NUP214: variants seen among roughly 807,000 people sequenced by gnomAD.
The protein encoded by NUP214 is nucleoporin 214, also known as nuclear pore complex protein Nup214.
Under a neutral mutation model 196.2 loss-of-function variants are expected in NUP214, and 79 were observed. The observed-to-expected ratio is 0.40, with a 90% confidence interval of 0.34 to 0.49. The LOEUF is 0.49. Ranked by LOEUF, NUP214 falls within the 20% of genes least tolerant of loss-of-function variation. The pLI, the probability that NUP214 is intolerant of heterozygous loss-of-function variation, is 0.58. For missense variants in NUP214, 2,468 were observed against 2,539.0 expected (o/e 0.97, Z 0.60); for synonymous variants, 1,020 against 990.5 (o/e 1.03, Z -0.56).
chr9:131,182,116 G>A (rs1022266692), intron 24 of NUP214, among the ~76,000 whole-genome samples: 1 of 152,156 alleles, frequency 6.6e-6, no homozygotes, highest in Admixed American at 6.5e-5. Context: ...TGGGTTTCTT[G>A]TAGCACAGCA....
chr9:131,234,039 C>G lies in NUP214; in HGVS notation c.*552C>G. The G allele has an allele frequency of 3.9e-6, 1 of 254,172 alleles. No individual in the cohort carries two copies. The highest frequency in any genetic ancestry group is 7.7e-6 in the Non-Finnish European group (1 of 130,618). The allele number at this position is 254,172 out of a possible 1,614,324, so 15.7% of individuals were successfully genotyped here. A position where few individuals can be genotyped will look rare whatever the true frequency, so the allele number is the denominator to read the frequency against. ...GTGGAGGCAGAGGAAGCCACTCATG[C>G]CAGCAGCAGTTGAGTTTCAGAAGCA... On this transcript the variant is annotated 3_prime_UTR_variant, in exon 36 of 36. Coordinates refer to ENST00000359428, the MANE Select transcript of NUP214 (RefSeq NM_005085.4).
At chr9:131,164,022 T>G in intron 20 of NUP214, 39 bp from the exon 21 acceptor site, 1 of 1,613,378 alleles carries the variant, frequency 6.2e-7, no homozygotes, top group Non-Finnish European at 8.5e-7. Context: ...TCTTAAAAAC[T>G]GAGTCTTAAT....
At chr9:131,181,831 A>G (rs922408616) in intron 24 of NUP214, among the ~76,000 whole-genome samples, 4 of 152,098 alleles carry the variant, frequency 2.6e-5, no homozygotes, top group South Asian at 2.1e-4. Flanking sequence ...CAGTTTATCT[A>G]TTTTTTCTTT....
chr9:131,222,642 G>A (rs139823422), intron 31 of NUP214, 136 bp from the exon 32 acceptor site: 158 of 980,748 alleles, frequency 1.6e-4, no homozygotes, highest in Middle Eastern at 3.0e-4. Flanking sequence ...TGTCACTGTC[G>A]CTCCGCTCCC....
At chr9:131,144,852 T>C (rs1473569431) in intron 12 of NUP214, 98 bp downstream of exon 12, 1 of 961,568 alleles carries the variant, frequency 1.0e-6, no homozygotes, top group Non-Finnish European at 1.5e-6. Context: ...GTTAACTGAG[T>C]AGAATTTTTT....
chr9:131,144,135 T>C (rs1832011106), intron 11 of NUP214, 145 bp from the exon 12 acceptor site: 1 of 667,784 alleles, frequency 1.5e-6, no homozygotes. Flanking sequence ...CAACATGAAC[T>C]GTGTACCCAT....
chr9:131,176,863 C>A (rs886250121), intron 23 of NUP214, among the ~76,000 whole-genome samples: 1 of 152,080 alleles, frequency 6.6e-6, no homozygotes, highest in African/African-American at 2.4e-5. Context: ...GAGGCTGCCC[C>A]CACTTCCCTG....
At chr9:131,203,838 A>G (rs1487700459) in intron 30 of NUP214, among the ~76,000 whole-genome samples, 2 of 152,360 alleles carry the variant, frequency 1.3e-5, no homozygotes, top group Admixed American at 1.3e-4. Flanking sequence ...CCCTGACAGC[A>G]TTTACTAATC....
chr9:131,143,867 A>G (rs1054954179), intron 11 of NUP214, among the ~76,000 whole-genome samples: 2 of 152,022 alleles, frequency 1.3e-5, no homozygotes, highest in Non-Finnish European at 2.9e-5. Flanking sequence ...GAGACCTAAC[A>G]TATCTATCAA....
At chr9:131,224,227 A>G (rs1834663883) in intron 32 of NUP214, among the ~76,000 whole-genome samples, 1 of 152,222 alleles carries the variant, frequency 6.6e-6, no homozygotes, top group Non-Finnish European at 1.5e-5. Flanking sequence ...ATAATCATGT[A>G]TGATGTATTT....
In NUP214 at chr9:131,127,659, A is replaced by AT. The variant is rs1831404525; in HGVS notation, c.186dup (p.Pro63SerfsTer3). 1 of 1,614,002 alleles carries AT rather than the reference A, an allele frequency of 6.2e-7. No individual in the cohort carries two copies. Among genetic ancestry groups the AT allele is most frequent in the Non-Finnish European group, 8.5e-7 (1 of 1,179,982 alleles). ...CGCTGGTGGAGCCAGTGGCTTGCAG[A>AT]TTTTTCCTACTAAAAATCTTCTTAT... is the stretch of plus-strand genomic sequence containing the variant. On this transcript the variant is annotated frameshift_variant, in exon 2 of 36. Coordinates refer to ENST00000359428, the MANE Select transcript of NUP214 (RefSeq NM_005085.4). LOFTEE classifies it high-confidence loss of function.
intron 24 of NUP214, among the ~76,000 whole-genome samples, chr9:131,178,712 T>TG (rs1177214420): frequency 6.6e-6 from 1 of 151,560 alleles, no homozygotes; most frequent in Non-Finnish European, 1.5e-5. Context: ...GATTTTTTTT[T>TG]TTTTTTTAAT....
At chr9:131,150,790 T>C (rs1832234305) in intron 16 of NUP214, 25 bp downstream of exon 16, 1 of 1,588,576 alleles carries the variant, frequency 6.3e-7, no homozygotes, top group Non-Finnish European at 8.5e-7. Flanking sequence ...ATACTTTTCC[T>C]GAGTTGAATT....
At position 131,144,285 on chromosome 9, in the gene NUP214, A is replaced by G; in HGVS notation, c.1300A>G (p.Thr434Ala). The G allele has an allele frequency of 1.9e-6, 3 of 1,612,086 alleles. No homozygotes were observed. Among genetic ancestry groups the G allele is most frequent in the Non-Finnish European group, 2.5e-6 (3 of 1,178,938 alleles). ...GERQPKSPGS[T>A]PTTPTSSQAP... is the part of the protein sequence containing the mutation. Reference sequence around the variant, plus strand: ...TCCTTTTTTTGTCACTGCAGGAAGTACTCCCACTACCCCAACCTCCTCTCA... The same window carrying G: ...TCCTTTTTTTGTCACTGCAGGAAGTGCTCCCACTACCCCAACCTCCTCTCA... The change falls in exon 12 of 36, where the codon ACT becomes GCT. Residue 434 changes from threonine (T) to alanine (A), a missense_variant. Physicochemically the swap from Thr to Ala is moderately conservative, Grantham distance 58. Transcript: ENST00000359428.
rs765420579 is a variant in NUP214 at position 131,195,373 on chromosome 9, A to G, written c.3721+79A>G. ...AGGTTATTTTTGCCCACATGTTAGT[A>G]TTTGACTTGTTCCTGAATCTTACTT... On this transcript the variant is annotated intron_variant, in intron 28 of 35. Transcript: ENST00000359428. 11 of 1,138,530 alleles carry G rather than the reference A, an allele frequency of 9.7e-6. No individual in the cohort carries two copies. The South Asian group carries it at 1.2e-4, about 13-fold the overall frequency. The allele number at this position is 1,138,530 out of a possible 1,614,324, so 70.5% of individuals were successfully genotyped here.
chr9:131,153,858 T>G (rs1832347528), intron 17 of NUP214, among the ~76,000 whole-genome samples: 2 of 152,230 alleles, frequency 1.3e-5, no homozygotes, highest in South Asian at 4.1e-4. Flanking sequence ...GGTTTGCAAT[T>G]CCTGCAGTTG....
chr9:131,138,704 C>G (rs942535915), intron 9 of NUP214, among the ~76,000 whole-genome samples: 4 of 152,178 alleles, frequency 2.6e-5, no homozygotes, highest in Non-Finnish European at 5.9e-5. Flanking sequence ...AGTAGTTTCT[C>G]AAGGAATCTG....
chr9:131,125,608 C>T lies in NUP214; in HGVS notation c.-97C>T, dbSNP rs1286602272. 5.2e-6 allele frequency: 8 copies of T among 1,548,606 alleles called. No individual in the cohort carries two copies. The highest frequency in any genetic ancestry group is 3.9e-5 in the Admixed American group (2 of 50,678). Reference sequence around the variant, plus strand: ...TGCGAGGTCAACTGCGCGCCGCTGGCGCTGAGGGGAGGAAGTTTGCTGTCG... The same window carrying T: ...TGCGAGGTCAACTGCGCGCCGCTGGTGCTGAGGGGAGGAAGTTTGCTGTCG... On this transcript the variant is annotated 5_prime_UTR_variant, in exon 1 of 36. Transcript: ENST00000359428. The surrounding 1 kb of genome is among the most constrained non-coding windows in gnomAD (Gnocchi z 4.1).
chr9:131,197,902 A>G lies in NUP214; in HGVS notation c.4408A>G (p.Thr1470Ala), dbSNP rs141765862. The stretch of plus-strand genomic sequence containing the variant: ...CACTCCCCTTCCAACATCATTCCCC[A>G]CATTGTCATTTGGTAGCCTCCTGAG... ...AATPLPTSFP[T>A]LSFGSLLSSA... Residue 1470 changes from threonine to alanine, a missense_variant, in exon 29 of 36, where the codon ACA (threonine) becomes GCA (alanine). Thr to Ala is a moderately conservative substitution (Grantham distance 58). This residue lies in a region of NUP214 where 1,801 missense variants were observed against 1,779.4 expected (regional missense o/e 1.01). Coordinates refer to ENST00000359428, the MANE Select transcript of NUP214 (RefSeq NM_005085.4). 1.1e-4 allele frequency: 171 copies of G among 1,613,840 alleles called. No homozygotes were observed. The African/African-American group carries it at 1.9e-3, about 18-fold the overall frequency.
Sources: allele counts gnomAD v4.1 joint callset (sites outside exome capture counted in the v4.1 genomes callset), GRCh38; gene constraint gnomAD v4.1.1; regional missense constraint gnomAD v4.1.1; non-coding constraint Gnocchi (gnomAD v3.1); transcripts MANE v1.5; gene names NCBI Gene and HGNC (gene_info 2026-07-23, HGNC 2026-07-21).